The following MASTL variants were observed in gnomAD, a reference collection of about 807,000 sequenced individuals.
MASTL encodes serine/threonine-protein kinase greatwall.
MASTL carries 54 observed loss-of-function variants against 82.5 expected under a neutral mutation model. The ratio of observed to expected loss-of-function variants is 0.65; its 90% CI spans 0.53 to 0.82. The LOEUF (loss-of-function observed/expected upper bound fraction) is 0.82, where lower values mean the gene tolerates loss of function less well. Ranked by LOEUF, MASTL falls within the 40% of genes least tolerant of loss-of-function variation. The pLI, the probability that MASTL is intolerant of heterozygous loss-of-function variation, is 0.00. For missense variants in MASTL, 950 were observed against 1,047.8 expected, an observed-to-expected ratio of 0.91 and a Z score of 1.29; for synonymous variants, 323 against 368.9, an observed-to-expected ratio of 0.88 and a Z score of 1.43.
At chr10:27,155,780 G>A (rs1185467723) in intron 1 of MASTL, among the ~76,000 whole-genome samples, 168 bp downstream of exon 1, 1 of 152,134 alleles carries the variant, frequency 6.6e-6, no homozygotes, top group Non-Finnish European at 1.5e-5. Flanking sequence ...CGACATCAGC[G>A]GTCGGGTCGG....
Position 27,161,174 on chromosome 10 carries a change from T to G in MASTL, c.545T>G (p.Leu182Trp), listed in dbSNP as rs192761810. 8 of 1,561,644 alleles carry G rather than the reference T, an allele frequency of 5.1e-6. No individual in the cohort carries two copies. In the East Asian group the frequency reaches 1.8e-4, roughly 35 times the overall value. ...LTDFGLSKVT[L>W]NRDINMMDIL... is the part of the protein sequence containing the mutation. ...GATTTTGGCCTTTCAAAAGTTACTT[T>G]GAATAGAGGTAAGAAAAATATCAAG... The change falls in exon 4 of 12, where the codon TTG becomes TGG. Residue 182 changes from leucine to tryptophan, a missense_variant. By Grantham distance (61) the Leu-to-Trp change is moderately conservative. Transcript: ENST00000375940.
intron 7 of MASTL, 54 bp from the exon 8 acceptor site, chr10:27,169,890 G>A (rs996443222): frequency 7.6e-6 from 12 of 1,575,004 alleles, no homozygotes; most frequent in Non-Finnish European, 9.6e-6. Context: ...ATAGTTAAAA[G>A]GTCAATGAAT....
intron 11 of MASTL, 69 bp from the exon 12 acceptor site, chr10:27,186,310 A>T: frequency 7.0e-7 from 1 of 1,421,744 alleles, no homozygotes; most frequent in African/African-American, 1.4e-5. Context: ...TCTTTTTATA[A>T]TAATTCCTGT....
chr10:27,183,466 G>A (rs2058445836), intron 11 of MASTL, among the ~76,000 whole-genome samples: 1 of 152,032 alleles, frequency 6.6e-6, no homozygotes, highest in African/African-American at 2.4e-5. Context: ...GTATTTTTTA[G>A]TAGAGATGGG....
At chr10:27,174,917 A>C (rs1190658142) in intron 9 of MASTL, among the ~76,000 whole-genome samples, 2 of 151,808 alleles carry the variant, frequency 1.3e-5, no homozygotes, top group South Asian at 4.2e-4. Context: ...CATAACATCA[A>C]CCTCTTCTAC....
At chr10:27,180,549 G>T in intron 9 of MASTL, among the ~76,000 whole-genome samples, 1 of 152,104 alleles carries the variant, frequency 6.6e-6, no homozygotes, top group Non-Finnish European at 1.5e-5. Context: ...GTGCCACCAC[G>T]CCTGGCCAAT....
chr10:27,170,029 C>T lies in MASTL; in HGVS notation c.1070C>T (p.Thr357Met), dbSNP rs367614863. 3.0e-5 allele frequency: 48 copies of T among 1,614,016 alleles called. No individual in the cohort carries two copies. The highest frequency in any genetic ancestry group is 1.6e-4 in the Middle Eastern group (1 of 6,084). The change falls in exon 8 of 12, where the codon ACG becomes ATG. Residue 357 changes from threonine to methionine, a missense_variant. Physicochemically the swap from Thr to Met is moderately conservative, Grantham distance 81 (BLOSUM62 -1). Transcript: ENST00000375940. ...GCAAAATCTGCAAATGCCATTGAGA[C>T]GAAAGGTTTCAATAAAAAGGATCTG... ...LCAKSANAIE[T>M]KGFNKKDLEL...
chr10:27,155,317 GA>G (rs1163924968), upstream of MASTL: 2 of 1,110,876 alleles, frequency 1.8e-6, no homozygotes, highest in African/African-American at 3.2e-5. Flanking sequence ...GCGGCGGGGT[GA>G]CGTCACGGCC....
rs2057329797 is a variant in MASTL, at chr10:27,155,518, C to A, written c.92C>A (p.Ser31Tyr). 1.2e-6 allele frequency: 2 copies of A among 1,614,074 alleles called. No homozygotes were observed. Among genetic ancestry groups the A allele is most frequent in the Admixed American group, 3.3e-5 (2 of 60,010 alleles). The change falls in exon 1 of 12, where the codon TCC becomes TAC. Residue 31 changes from serine (S) to tyrosine (Y), a missense_variant. Physicochemically the swap from Ser to Tyr is moderately radical, Grantham distance 144. Coordinates refer to ENST00000375940, the MANE Select transcript of MASTL (RefSeq NM_001172303.3). ...VNRIAVPKPP[S>Y]IEEFSIVKPI... ...AGGATCGCAGTGCCAAAACCGCCCT[C>A]CATTGAGGAATTCAGCATAGTGAAG...
intron 9 of MASTL, among the ~76,000 whole-genome samples, chr10:27,174,282 G>A (rs1013425941): frequency 6.6e-6 from 1 of 151,966 alleles, no homozygotes; most frequent in African/African-American, 2.4e-5. Context: ...TTGAACCTGG[G>A]AGGCCGAGGT....
Position 27,167,293 on chromosome 10 carries a change from T to C in MASTL, c.984+19T>C. The stretch of plus-strand genomic sequence containing the variant: ...TTGCCAGGTTTGAGGGACATTTATC[T>C]TAATGAAAATCAATTATGTATGTCA... On this transcript the variant is annotated intron_variant, in intron 7 of 11. Transcript: ENST00000375940. The C allele has an allele frequency of 6.3e-7, 1 of 1,598,078 alleles. No homozygotes were observed. Among genetic ancestry groups the C allele is most frequent in the Non-Finnish European group, 8.6e-7 (1 of 1,165,590 alleles).
intron 11 of MASTL, among the ~76,000 whole-genome samples, chr10:27,183,494 A>G (rs1305838273): frequency 1.3e-5 from 2 of 152,104 alleles, no homozygotes; most frequent in Non-Finnish European, 2.9e-5. Context: ...CATGTTGGCC[A>G]GGATGGTCTC....
At chr10:27,173,383 A>AGT in intron 9 of MASTL, 124 bp downstream of exon 9, 1 of 1,030,074 alleles carries the variant, frequency 9.7e-7, no homozygotes, top group South Asian at 1.3e-5. Flanking sequence ...GAACTCATCT[A>AGT]GTATATATAT....
chr10:27,169,654 A>G (rs1178948274), intron 7 of MASTL, among the ~76,000 whole-genome samples: 1 of 152,154 alleles, frequency 6.6e-6, no homozygotes, highest in Non-Finnish European at 1.5e-5. Context: ...GTGCCTGAAT[A>G]TGTTGCCTGT....
chr10:27,155,130 T>G (rs2057306679), upstream of MASTL: 2 of 408,798 alleles, frequency 4.9e-6, no homozygotes, highest in African/African-American at 4.1e-5. Context: ...CAGAGTCAAG[T>G]CCCAGTCGTC....
chr10:27,186,347 A>T, intron 11 of MASTL, 32 bp from the exon 12 acceptor site: 1 of 1,596,570 alleles, frequency 6.3e-7, no homozygotes, highest in East Asian at 2.2e-5. Context: ...AGGTAATGAT[A>T]TCATACTGTT....
In MASTL at chr10:27,171,825, CTTTTTTTTTT is replaced by C. The variant is rs112511530; in HGVS notation, c.2124+755_2124+764del. Among the ~76,000 whole-genome samples, 13 of 93,582 alleles carry C rather than the reference CTTTTTTTTTT, an allele frequency of 1.4e-4. No individual in the cohort carries two copies. In the Admixed American group the frequency reaches 1.7e-3, roughly 12 times the overall value. 61.4% of individuals were successfully genotyped at this position (93,582 alleles called of 152,430 possible). ...AGAATAAAAGTTGAAAAATATGTTT[CTTTTTTTTTT>C]TTTTTTTTTTTTGAGACAAAGTCTC... On this transcript the variant is annotated intron_variant, in intron 8 of 11. Coordinates refer to ENST00000375940, the MANE Select transcript of MASTL (RefSeq NM_001172303.3).
At chr10:27,158,423 CTT>C in intron 1 of MASTL, 124 bp from the exon 2 acceptor site, 1 of 757,458 alleles carries the variant, frequency 1.3e-6, no homozygotes, top group Admixed American at 2.2e-5. Context: ...GGGAGGATAA[CTT>C]GAGCCTAGGA....
Position 27,158,565 on chromosome 10 carries a change from A to G in MASTL, c.203A>G (p.Asp68Gly). 1.2e-6 allele frequency: 2 copies of G among 1,605,286 alleles called. No individual in the cohort carries two copies. The highest frequency in any genetic ancestry group is 2.2e-5 in the South Asian group (2 of 90,892). Reference protein sequence around the residue: ...LYAVKVVKKADMINKNMTHQV... With the variant: ...LYAVKVVKKAGMINKNMTHQV... ...CTATTACAGGTTGTTAAAAAAGCAG[A>G]CATGATCAACAAAAATATGACTCAT... The change falls in exon 2 of 12, where the codon GAC becomes GGC. Residue 68 changes from aspartate to glycine, a missense_variant. Coordinates refer to ENST00000375940, the MANE Select transcript of MASTL (RefSeq NM_001172303.3).
Sources: allele counts gnomAD v4.1 joint callset (sites outside exome capture counted in the v4.1 genomes callset), GRCh38; gene constraint gnomAD v4.1.1; transcripts MANE v1.5; gene names NCBI Gene and HGNC (gene_info 2026-07-23, HGNC 2026-07-21).